Variants in FMO2 observed in about 807,000 individuals in gnomAD.
FMO2 encodes the protein flavin containing dimethylaniline monoxygenase 2.
In FMO2, 33 loss-of-function variants were observed where a neutral mutation model predicts 41.6. The ratio of observed to expected loss-of-function variants is 0.79; its 90% CI spans 0.60 to 1.06. The LOEUF is 1.06. Among genes scored for constraint, FMO2 ranks in the 50% least tolerant of loss-of-function variants. The probability of loss-of-function intolerance (pLI) is 0.00; values close to 1 mark genes in which losing one functional copy is unlikely to be tolerated. For missense variants in FMO2, 619 were observed against 632.9 expected, an observed-to-expected ratio of 0.98 and a Z score of 0.23; for synonymous variants, 214 against 219.6, an observed-to-expected ratio of 0.97 and a Z score of 0.23.
At chr1:171,192,726 A>T (rs904726165) in intron 2 of FMO2, among the ~76,000 whole-genome samples, 2 of 150,112 alleles carry the variant, frequency 1.3e-5, no homozygotes, top group Non-Finnish European at 3.0e-5. Flanking sequence ...AGATCACGCC[A>T]CTGCACTTCA....
rs1658881769 is a variant in FMO2 at position 171,209,188 on chromosome 1, C to T, written c.*43C>T. On this transcript the variant is annotated 3_prime_UTR_variant, in exon 9 of 9. Transcript: ENST00000209929. ...GCTTTATTATCTTGTCAGTCACTAC[C>T]TCCTAAAGAAAAAAAAAAAGGCTAG... 4.8e-6 allele frequency: 2 copies of T among 416,308 alleles called. No individual in the cohort carries two copies. The highest frequency in any genetic ancestry group is 4.2e-6 in the Non-Finnish European group (1 of 237,314). 25.8% of individuals were successfully genotyped at this position (416,308 alleles called of 1,614,324 possible).
chr1:171,211,945 A>G lies in FMO2; in HGVS notation c.*2800A>G, dbSNP rs1296946546. 6.6e-6 allele frequency among the ~76,000 whole-genome samples: 1 copy of G among 152,194 alleles called. No individual in the cohort carries two copies. Among genetic ancestry groups the G allele is most frequent in the Non-Finnish European group, 1.5e-5 (1 of 68,042 alleles). On this transcript the variant is annotated 3_prime_UTR_variant, in exon 9 of 9. Transcript: ENST00000209929. ...TAAATCTAGAAACCATTAGTTTGAG[A>G]TCTCTCAAAAATAAAAATAAAAATT... is the stretch of plus-strand genomic sequence containing the variant.
At chr1:171,196,842 G>A in intron 4 of FMO2, 31 bp downstream of exon 4, 2 of 1,602,732 alleles carry the variant, frequency 1.2e-6, no homozygotes, top group Non-Finnish European at 1.7e-6. Context: ...CAGCTTTTTG[G>A]AGTAGGTTTC....
chr1:171,195,991 C>T (rs1658294100), intron 3 of FMO2, among the ~76,000 whole-genome samples: 1 of 152,198 alleles, frequency 6.6e-6, no homozygotes, highest in South Asian at 2.1e-4. Flanking sequence ...AAAGAGGCGG[C>T]TACATAAAAC....
chr1:171,201,824 G>A (rs28369885), intron 5 of FMO2, among the ~76,000 whole-genome samples: 5,225 of 55,542 alleles, frequency 0.094, 298 homozygotes, highest in African/African-American at 0.28. Context: ...GAGAAAGAAT[G>A]AGAGCGAAGG....
Position 171,203,883 on chromosome 1 carries a change from C to G in FMO2, c.646C>G (p.His216Asp). The G allele has an allele frequency of 6.2e-7, 1 of 1,613,458 alleles. No individual in the cohort carries two copies. Among genetic ancestry groups the G allele is most frequent in the Non-Finnish European group, 8.5e-7 (1 of 1,179,570 alleles). The change falls in exon 6 of 9, where the codon CAT (histidine) becomes GAT (aspartate). Residue 216 changes from histidine to aspartate, a missense_variant. Transcript: ENST00000209929. ...TTGCCAGGTTTTTATCAGCACCAGG[C>G]ATGGCACCTGGGTCATGAGCCGTAT... ...NAAQVFISTR[H>D]GTWVMSRISE...
At chr1:171,197,142 C>A (rs28369861) in intron 4 of FMO2, among the ~76,000 whole-genome samples, 1 of 152,080 alleles carries the variant, frequency 6.6e-6, no homozygotes, top group Non-Finnish European at 1.5e-5. Context: ...TGCCAAACAC[C>A]GAGCCTTTTT....
rs1658943744 is a variant in FMO2 at position 171,210,719 on chromosome 1, TACTTCTCCCTC to T, written c.*1576_*1586del. The T allele has an allele frequency of 6.6e-6, 1 of 152,196 alleles. No homozygotes were observed. Among genetic ancestry groups the T allele is most frequent in the Admixed American group, 6.5e-5 (1 of 15,270 alleles). The allele number at this position is 152,196 out of a possible 1,614,324, so 9.4% of individuals were successfully genotyped here. A position where few individuals can be genotyped will look rare whatever the true frequency, so the allele number is the denominator to read the frequency against. ...GAACATTGCTCTTCATTTTGGCCTG[TACTTCTCCCTC>T]AGGGACGTAGAACAATGGAATGTCA... On this transcript the variant is annotated 3_prime_UTR_variant, in exon 9 of 9. Transcript: ENST00000209929.
At chr1:171,189,644 C>A (rs1284290701) in intron 2 of FMO2, among the ~76,000 whole-genome samples, 2 of 132,274 alleles carry the variant, frequency 1.5e-5, no homozygotes, top group East Asian at 2.8e-4. Context: ...AATCTGAGCC[C>A]GTCTTTTTTC....
At chr1:171,185,949 C>T (rs1657830640) in intron 2 of FMO2, 104 bp downstream of exon 2, 2 of 1,205,736 alleles carry the variant, frequency 1.7e-6, no homozygotes, top group African/African-American at 1.5e-5. Flanking sequence ...CAACTCTGAT[C>T]AGATTTTATT....
intron 5 of FMO2, among the ~76,000 whole-genome samples, chr1:171,200,902 T>C (rs1426282756): frequency 6.6e-6 from 1 of 152,116 alleles, no homozygotes; most frequent in Non-Finnish European, 1.5e-5. Context: ...TGGGGCAGTA[T>C]GTGAGGAGCT....
chr1:171,205,033 T>C (rs1266468587), intron 6 of FMO2, among the ~76,000 whole-genome samples: 1 of 152,202 alleles, frequency 6.6e-6, no homozygotes, highest in East Asian at 1.9e-4. Flanking sequence ...TTGGGGATGC[T>C]TCCTTCCTTA....
Position 171,196,778 on chromosome 1 carries a change from A to C in FMO2, c.451A>C (p.Ile151Leu). 6.2e-7 allele frequency: 1 copy of C among 1,613,614 alleles called. No homozygotes were observed. The highest frequency in any genetic ancestry group is 1.7e-5 in the Admixed American group (1 of 59,992). Reference sequence around the variant, plus strand: ...AGTTATGGTTTGCAGTGGCCACCACATTCTACCTCATATCCCACTGAAGTC... The same window carrying C: ...AGTTATGGTTTGCAGTGGCCACCACCTTCTACCTCATATCCCACTGAAGTC... The part of the protein sequence containing the change: ...DAVMVCSGHH[I>L]LPHIPLKSFP... Residue 151 changes from isoleucine (I) to leucine (L), a missense_variant, in exon 4 of 9, where the codon ATT becomes CTT. Coordinates refer to ENST00000209929, the MANE Select transcript of FMO2 (RefSeq NM_001460.5).
At chr1:171,190,171 A>G (rs552316695) in intron 2 of FMO2, among the ~76,000 whole-genome samples, 55 of 152,276 alleles carry the variant, frequency 3.6e-4, no homozygotes, top group African/African-American at 1.3e-3. Context: ...ATTAAATATT[A>G]CCCTTATAAT....
intron 3 of FMO2, among the ~76,000 whole-genome samples, chr1:171,195,984 G>A (rs891436996): frequency 6.6e-6 from 1 of 152,234 alleles, no homozygotes. Flanking sequence ...AGTCCACAAA[G>A]AGGCGGCTAC....
intron 2 of FMO2, among the ~76,000 whole-genome samples, chr1:171,189,810 T>A (rs1169923731): frequency 6.6e-6 from 1 of 152,106 alleles, no homozygotes; most frequent in Non-Finnish European, 1.5e-5. Context: ...TGGACCCATC[T>A]TCTAATGCAA....
chr1:171,202,173 GAA>G (rs1209643721), intron 5 of FMO2, among the ~76,000 whole-genome samples: 1 of 152,150 alleles, frequency 6.6e-6, no homozygotes, highest in Non-Finnish European at 1.5e-5. Context: ...GGTCACAACA[GAA>G]AAAGAGTGAA....
At chr1:171,205,721 G>T (rs1658736601) in intron 7 of FMO2, 87 bp downstream of exon 7, 2 of 927,730 alleles carry the variant, frequency 2.2e-6, no homozygotes, top group East Asian at 2.6e-5. Context: ...GAGATAAAAA[G>T]GTTGCCAAGA....
intron 2 of FMO2, among the ~76,000 whole-genome samples, chr1:171,188,043 T>A (rs1657928211): frequency 6.9e-6 from 1 of 145,478 alleles, no homozygotes; most frequent in Admixed American, 6.9e-5. Flanking sequence ...TTTTTTTTTT[T>A]TTTTTTTTTT....
Sources: allele counts gnomAD v4.1 joint callset (sites outside exome capture counted in the v4.1 genomes callset), GRCh38; gene constraint gnomAD v4.1.1; transcripts MANE v1.5; gene names NCBI Gene and HGNC (gene_info 2026-07-23, HGNC 2026-07-21).